The following OR2L13 variants were observed in gnomAD, a reference collection of about 807,000 sequenced individuals.
OR2L13 encodes olfactory receptor family 2 subfamily L member 13.
Under a neutral mutation model 15.3 loss-of-function variants are expected in OR2L13, and 14 were observed. The ratio of observed to expected loss-of-function variants is 0.91; its 90% CI spans 0.60 to 1.43. The LOEUF (loss-of-function observed/expected upper bound fraction) is 1.43, where lower values mean the gene tolerates loss of function less well. Among genes scored for constraint, OR2L13 ranks in the 40% most tolerant of loss-of-function variants. The pLI is 0.00. For synonymous variants in OR2L13, 152 were observed against 142.9 expected (o/e 1.06, Z -0.45); for missense variants, 367 against 387.9 (o/e 0.95, Z 0.45).
chr1:248,003,857 C>T, the OR2L13 span: 5 of 1,612,942 alleles, frequency 3.1e-6, no homozygotes, highest in Non-Finnish European at 4.2e-6. Flanking sequence ...CTGCAGCACC[C>T]ACCTCACTGT....
At chr1:247,946,389 G>T in the OR2L13 span, among the ~76,000 whole-genome samples, 10 of 152,142 alleles carry the variant, frequency 6.6e-5, no homozygotes, top group Non-Finnish European at 1.3e-4. Flanking sequence ...GTGGACTGTA[G>T]TGTCTTGTTC....
chr1:248,024,724 T>C, the OR2L13 span, among the ~76,000 whole-genome samples: 8,170 of 152,132 alleles, frequency 0.054, 697 homozygotes, highest in African/African-American at 0.18. Context: ...TGTAGATATG[T>C]GGTGTTATTT....
At chr1:248,011,211 A>G in the OR2L13 span, among the ~76,000 whole-genome samples, 1 of 152,072 alleles carries the variant, frequency 6.6e-6, no homozygotes, top group African/African-American at 2.4e-5. Context: ...TCATGTATGA[A>G]GCTTAGTTTG....
chr1:247,953,857 T>G, the OR2L13 span, among the ~76,000 whole-genome samples: 1 of 152,156 alleles, frequency 6.6e-6, no homozygotes, highest in East Asian at 1.9e-4. Flanking sequence ...AATTAACTCT[T>G]ATTTTTCACT....
chr1:248,042,463 A>G, the OR2L13 span, among the ~76,000 whole-genome samples: 4 of 152,274 alleles, frequency 2.6e-5, no homozygotes, highest in Admixed American at 2.0e-4. Context: ...TATGTAAATA[A>G]CCTGCACATT....
the OR2L13 span, chr1:248,083,715 T>A: frequency 6.2e-7 from 1 of 1,613,048 alleles, no homozygotes; most frequent in Admixed American, 1.7e-5. Context: ...TTCCTTGACC[T>A]CACTGTTCCT....
chr1:247,989,966 A>G, the OR2L13 span, among the ~76,000 whole-genome samples: 1 of 152,174 alleles, frequency 6.6e-6, no homozygotes, highest in Non-Finnish European at 1.5e-5. Flanking sequence ...AACACCGTTC[A>G]ATAAGATATT....
At chr1:248,026,093 T>C in the OR2L13 span, among the ~76,000 whole-genome samples, 1 of 152,048 alleles carries the variant, frequency 6.6e-6, no homozygotes, top group Non-Finnish European at 1.5e-5. Context: ...TAACTTAAAG[T>C]ATAATAATAA....
At chr1:248,082,317 G>C in the OR2L13 span, among the ~76,000 whole-genome samples, 3 of 114,336 alleles carry the variant, frequency 2.6e-5, no homozygotes, top group African/African-American at 1.0e-4. Context: ...ACAGGAAGGG[G>C]AATATCACAC....
chr1:248,022,218 A>G, the OR2L13 span: 11 of 1,613,906 alleles, frequency 6.8e-6, no homozygotes, highest in Non-Finnish European at 8.5e-6. Flanking sequence ...AAACAAGTCT[A>G]TCTCCTTCAT....
chr1:247,976,840 T>C, the OR2L13 span, among the ~76,000 whole-genome samples: 1 of 152,220 alleles, frequency 6.6e-6, no homozygotes, highest in African/African-American at 2.4e-5. Flanking sequence ...TGAACAAGTT[T>C]TGAAAAGGCA....
At chr1:247,994,571 G>A in the OR2L13 span, among the ~76,000 whole-genome samples, 3 of 152,118 alleles carry the variant, frequency 2.0e-5, no homozygotes, top group Non-Finnish European at 2.9e-5. Flanking sequence ...AAGTGGAATA[G>A]ATAGAAACAG....
chr1:248,061,218 T>A, the OR2L13 span: 4 of 1,611,746 alleles, frequency 2.5e-6, no homozygotes, highest in Non-Finnish European at 2.5e-6. Flanking sequence ...TCTTCTGTGA[T>A]GTCCCAGCAA....
At chr1:248,081,600 G>C in the OR2L13 span, among the ~76,000 whole-genome samples, 1 of 152,244 alleles carries the variant, frequency 6.6e-6, no homozygotes, top group East Asian at 1.9e-4. Context: ...TTCATTCTAA[G>C]AGAAGATTTT....
upstream of OR2L13, among the ~76,000 whole-genome samples, chr1:248,095,985 G>A (rs971663594): frequency 2.0e-5 from 3 of 151,944 alleles, no homozygotes; most frequent in African/African-American, 4.8e-5. Flanking sequence ...GAATTGAGTT[G>A]ATTTGGGTCG....
the OR2L13 span, among the ~76,000 whole-genome samples, chr1:248,012,208 A>G: frequency 6.6e-6 from 1 of 152,144 alleles, no homozygotes; most frequent in Non-Finnish European, 1.5e-5. Flanking sequence ...GGGGTATTTC[A>G]GGGTTCCCTT....
the OR2L13 span, among the ~76,000 whole-genome samples, chr1:247,954,958 A>AT: frequency 0.79 from 119,350 of 151,340 alleles, 51,042 homozygotes; most frequent in South Asian, 0.95. Context: ...ATATATATAT[A>AT]TATTTTTACT....
the OR2L13 span, among the ~76,000 whole-genome samples, chr1:248,088,728 C>T: frequency 6.6e-6 from 1 of 152,116 alleles, no homozygotes; most frequent in African/African-American, 2.4e-5. Flanking sequence ...ATTTAGTGCT[C>T]TGGGTGAATG....
the OR2L13 span, among the ~76,000 whole-genome samples, chr1:248,000,022 G>C: frequency 5.6e-3 from 855 of 152,012 alleles, 13 homozygotes; most frequent in Middle Eastern, 0.024. Context: ...GGATTTTGCA[G>C]ACTTTTAGAA....
Sources: gnomAD v4.1 joint callset for allele counts (sites outside exome capture counted in the v4.1 genomes callset) on GRCh38, gnomAD v4.1.1 for gene constraint, MANE v1.5 for transcripts, NCBI Gene and HGNC (gene_info 2026-07-23, HGNC 2026-07-21) for gene names.